TAPT1: variants seen among roughly 807,000 people sequenced by gnomAD.
TAPT1 encodes the protein transmembrane anterior posterior transformation 1, also known as transmembrane anterior posterior transformation protein 1 homolog.
A neutral mutation model predicts 65.6 loss-of-function variants in TAPT1; 28 were observed. That is an observed-to-expected ratio of 0.43 (90% confidence interval 0.32 to 0.59). TAPT1 has a LOEUF of 0.59. TAPT1 is among the 20% of genes least tolerant of loss of function. The pLI is 0.09. For synonymous variants in TAPT1, 278 were observed against 245.2 expected (o/e 1.13, Z -1.25); for missense variants, 563 against 679.9 (o/e 0.83, Z 1.91).
rs368267885 is a variant in TAPT1, at chr4:16,213,789, T to C, written c.309A>G (p.Arg103=). ...ERRERVYTCL[R]IPRELEKLMV... ...GTACCTTTTCCAATTCTCTTGGTAT[T>C]CGCAAACAAGTGTATACTCTTTCTC... Residue 103 remains arginine (R), a synonymous_variant, in exon 2 of 14, where the codon CGA becomes CGG. Coordinates refer to ENST00000405303, the MANE Select transcript of TAPT1 (RefSeq NM_153365.3). 56 of 1,573,442 alleles carry C rather than the reference T, an allele frequency of 3.6e-5. No homozygotes were observed. The African/African-American group carries it at 6.9e-4, about 19-fold the overall frequency.
intron 11 of TAPT1, among the ~76,000 whole-genome samples, chr4:16,171,994 C>A (rs898291875): frequency 2.8e-4 from 42 of 151,968 alleles, no homozygotes; most frequent in African/African-American, 8.9e-4. Flanking sequence ...GTCACAGAGG[C>A]CTCGATGTAT....
rs988698798 is a variant in TAPT1, at chr4:16,202,448, G to T, written c.449+14C>A. Reference sequence around the variant, plus strand: ...ATACTATACATTTACAATAGTTAACGATCTTAAACTTACCTTAAGCCATAG... The same window carrying T: ...ATACTATACATTTACAATAGTTAACTATCTTAAACTTACCTTAAGCCATAG... On this transcript the variant is annotated intron_variant, in intron 3 of 13. Transcript: ENST00000405303. 4.3e-6 allele frequency: 6 copies of T among 1,390,432 alleles called. No homozygotes were observed. The highest frequency in any genetic ancestry group is 1.3e-5 in the South Asian group (1 of 79,896). 86.1% of individuals were successfully genotyped at this position (1,390,432 alleles called of 1,614,324 possible).
At chr4:16,220,196 C>A (rs1042688920) in intron 1 of TAPT1, among the ~76,000 whole-genome samples, 2 of 152,192 alleles carry the variant, frequency 1.3e-5, no homozygotes, top group African/African-American at 2.4e-5. Flanking sequence ...CTACAGTTGA[C>A]TGGTTAATTA....
intron 13 of TAPT1, 127 bp downstream of exon 13, chr4:16,166,506 A>G (rs1159278059): frequency 1.1e-5 from 12 of 1,140,260 alleles, no homozygotes; most frequent in Non-Finnish European, 1.5e-5. Context: ...CTAAAACACA[A>G]CCATTAAAAG....
chr4:16,178,472 C>T (rs2149679024), intron 8 of TAPT1, among the ~76,000 whole-genome samples: 1 of 152,144 alleles, frequency 6.6e-6, no homozygotes, highest in East Asian at 1.9e-4. Flanking sequence ...ATGGTTGCAT[C>T]CTTTAAGAAT....
intron 3 of TAPT1, chr4:16,196,817 G>A (rs2149698333): frequency 3.7e-6 from 2 of 546,674 alleles, no homozygotes; most frequent in South Asian, 1.5e-5. Flanking sequence ...AAAACCTGGT[G>A]TTACGAAGAC....
At chr4:16,173,918 A>C (rs971738216) in intron 11 of TAPT1, among the ~76,000 whole-genome samples, 1 of 152,230 alleles carries the variant, frequency 6.6e-6, no homozygotes, top group Admixed American at 6.5e-5. Flanking sequence ...TATTTCCATT[A>C]AAAAATGTTT....
chr4:16,205,287 G>A (rs1750274238), intron 2 of TAPT1, among the ~76,000 whole-genome samples: 1 of 152,134 alleles, frequency 6.6e-6, no homozygotes, highest in Admixed American at 6.6e-5. Context: ...CCATCTTCTG[G>A]AAATTCTGAA....
At chr4:16,168,164 G>C (rs1747761719) in intron 12 of TAPT1, among the ~76,000 whole-genome samples, 1 of 151,560 alleles carries the variant, frequency 6.6e-6, no homozygotes. Context: ...CCCAGGCTGT[G>C]GTGCAGTGGC....
At chr4:16,226,230 C>A in intron 1 of TAPT1, 29 bp downstream of exon 1, 1 of 1,107,812 alleles carries the variant, frequency 9.0e-7, no homozygotes, top group Non-Finnish European at 1.1e-6. Flanking sequence ...CCCTCGGAGC[C>A]CGCCACGGCC....
chr4:16,166,454 G>C (rs1161627358), intron 13 of TAPT1, among the ~76,000 whole-genome samples, 179 bp downstream of exon 13: 1 of 152,214 alleles, frequency 6.6e-6, no homozygotes, highest in East Asian at 1.9e-4. Flanking sequence ...TGAGTAAATG[G>C]AAAAACTCAG....
At chr4:16,178,703 CTGAA>C (rs1748507518) in intron 8 of TAPT1, among the ~76,000 whole-genome samples, 1 of 152,198 alleles carries the variant, frequency 6.6e-6, no homozygotes, top group Non-Finnish European at 1.5e-5. Context: ...TGTCTGCTAA[CTGAA>C]TGGATAATGA....
chr4:16,210,824 G>A (rs1035373360), intron 2 of TAPT1, among the ~76,000 whole-genome samples: 11 of 152,144 alleles, frequency 7.2e-5, no homozygotes, highest in African/African-American at 2.4e-4. Flanking sequence ...GGGGTTGTAG[G>A]GTCAGGGGAG....
chr4:16,172,250 A>T (rs1333895330), intron 11 of TAPT1, among the ~76,000 whole-genome samples: 1 of 152,218 alleles, frequency 6.6e-6, no homozygotes, highest in Non-Finnish European at 1.5e-5. Context: ...ACTATTTCAA[A>T]AAAAGTTCAT....
chr4:16,207,770 T>C (rs1750431202), intron 2 of TAPT1, among the ~76,000 whole-genome samples: 1 of 152,228 alleles, frequency 6.6e-6, no homozygotes, highest in Non-Finnish European at 1.5e-5. Flanking sequence ...AATAACAATA[T>C]ATCAATACTT....
chr4:16,213,855 C>T lies in TAPT1; in HGVS notation c.243G>A (p.Gly81=), dbSNP rs1560187145. Residue 81 remains glycine, a synonymous_variant, in exon 2 of 14, where the codon GGG becomes GGA. Transcript: ENST00000405303. ...LRFLSAELTR[G]YFLEHNEAKY... Reference sequence around the variant, plus strand: ...TGGCCTCATTATGTTCAAGGAAGTACCCTCTTGTTAGTTCAGCACTGAGGA... The same window carrying T: ...TGGCCTCATTATGTTCAAGGAAGTATCCTCTTGTTAGTTCAGCACTGAGGA... The T allele has an allele frequency of 2.5e-6, 4 of 1,609,790 alleles. No individual in the cohort carries two copies. The highest frequency in any genetic ancestry group is 2.5e-6 in the Non-Finnish European group (3 of 1,178,718).
chr4:16,226,692 G>C (rs553344607), upstream of TAPT1: 223 of 160,332 alleles, frequency 1.4e-3, no homozygotes, highest in Non-Finnish European at 2.2e-3. Context: ...CGTGGCGGGC[G>C]ACGGTTTCTC....
chr4:16,196,889 G>T lies in TAPT1; in HGVS notation c.450-5366C>A, dbSNP rs142681706. 3.0e-3 allele frequency among the ~76,000 whole-genome samples: 463 copies of T among 152,278 alleles called. 4 individuals carry two copies. Among genetic ancestry groups the T allele is most frequent in the African/African-American group, 0.011 (438 of 41,560 alleles). ...CCACATAGATCAGCCCTGGTAAAAG[G>T]AAGTAAAAGGCATATTTGTTTCCCC... On this transcript the variant is annotated intron_variant, in intron 3 of 13. Coordinates refer to ENST00000405303, the MANE Select transcript of TAPT1 (RefSeq NM_153365.3).
chr4:16,196,576 G>C, intron 3 of TAPT1: 1 of 641,422 alleles, frequency 1.6e-6, no homozygotes, highest in Non-Finnish European at 2.5e-6. Flanking sequence ...TAATGGCTAT[G>C]TCTGCCTATC....
Sources: gnomAD v4.1 joint callset for allele counts (sites outside exome capture counted in the v4.1 genomes callset) on GRCh38, gnomAD v4.1.1 for gene constraint, MANE v1.5 for transcripts, NCBI Gene and HGNC (gene_info 2026-07-23, HGNC 2026-07-21) for gene names.